The following PRKN variants were observed in gnomAD, a reference collection of about 807,000 sequenced individuals.
The protein encoded by PRKN is E3 ubiquitin-protein ligase parkin.
A neutral mutation model predicts 59.5 loss-of-function variants in PRKN; 56 were observed. That is an observed-to-expected ratio of 0.94 (90% CI 0.76 to 1.18). PRKN has a LOEUF of 1.18. Ranked by LOEUF, PRKN falls within the 50% of genes most tolerant of loss-of-function variation. PRKN has a pLI of 0.00. For synonymous variants in PRKN, 250 were observed against 222.1 expected, an observed-to-expected ratio of 1.13 and a Z score of -1.12; for missense variants, 657 against 596.4, an observed-to-expected ratio of 1.10 and a Z score of -1.06.
intron 9 of PRKN, among the ~76,000 whole-genome samples, chr6:161,424,022 T>C (rs35164999): frequency 0.044 from 6,682 of 152,128 alleles, 466 homozygotes; most frequent in African/African-American, 0.15. Flanking sequence ...TGAAGATAAA[T>C]TGAGGCATAT....
At chr6:162,424,202 C>A (rs1319684019) in intron 2 of PRKN, among the ~76,000 whole-genome samples, 1 of 152,114 alleles carries the variant, frequency 6.6e-6, no homozygotes, top group African/African-American at 2.4e-5. Flanking sequence ...GGAAAAGGCA[C>A]AGCTATAAAA....
chr6:161,863,025 G>A (rs745362286), intron 6 of PRKN, among the ~76,000 whole-genome samples: 2 of 152,082 alleles, frequency 1.3e-5, no homozygotes, highest in Non-Finnish European at 2.9e-5. Flanking sequence ...AGATCAAGAA[G>A]AATCAAGCTG....
intron 1 of PRKN, among the ~76,000 whole-genome samples, chr6:162,707,782 C>T (rs1203405751): frequency 2.0e-5 from 3 of 152,136 alleles, no homozygotes; most frequent in Admixed American, 6.5e-5. Context: ...ACCATGTTGG[C>T]CAAGCTGGTC....
chr6:161,913,799 G>A (rs1778454794), intron 6 of PRKN, among the ~76,000 whole-genome samples: 1 of 152,202 alleles, frequency 6.6e-6, no homozygotes, highest in Non-Finnish European at 1.5e-5. Context: ...TGTAGGTGGA[G>A]CGTCTGGGAG....
At chr6:162,249,704 T>C (rs1562613442) in intron 3 of PRKN, among the ~76,000 whole-genome samples, 1 of 152,166 alleles carries the variant, frequency 6.6e-6, no homozygotes, top group Non-Finnish European at 1.5e-5. Flanking sequence ...GGTCAAATTA[T>C]ATGGCTATAG....
chr6:161,867,900 A>G (rs1178719329), intron 6 of PRKN, among the ~76,000 whole-genome samples: 4 of 151,872 alleles, frequency 2.6e-5, no homozygotes, highest in African/African-American at 7.2e-5. Context: ...AGCTGGGATT[A>G]CAGGCATGCA....
rs1780501501 is a variant in PRKN at position 161,562,687 on chromosome 6, G to T, written c.933+6668C>A. 1.3e-5 allele frequency among the ~76,000 whole-genome samples: 2 copies of T among 152,044 alleles called. No homozygotes were observed. The highest frequency in any genetic ancestry group is 2.4e-5 in the African/African-American group (1 of 41,406). On this transcript the variant is annotated intron_variant, in intron 8 of 11. Coordinates refer to ENST00000366898, the MANE Select transcript of PRKN (RefSeq NM_004562.3). This position sits in a 1 kb window ranked among gnomAD's most constrained non-coding sequence, Gnocchi z 4.3. ...CCTCTGATCTCACCTGCCCCATTTTGCTCATCTCAGTCAAATAGAACTTTC... is the reference window on the plus strand; with the variant it reads ...CCTCTGATCTCACCTGCCCCATTTTTCTCATCTCAGTCAAATAGAACTTTC...
In PRKN at chr6:162,225,069, C is replaced by G. The variant is rs532466515; in HGVS notation, c.413-23817G>C. On this transcript the variant is annotated intron_variant, in intron 3 of 11. Transcript: ENST00000366898. ...TCACAGTTCTTGAGGCTGGGAAGTC[C>G]AAGATTGGGCAGCCCTGTCTGGGCT... is the stretch of plus-strand genomic sequence containing the variant. 9.9e-5 allele frequency among the ~76,000 whole-genome samples: 15 copies of G among 152,162 alleles called. No homozygotes were observed. The South Asian group carries it at 3.1e-3, about 32-fold the overall frequency.
intron 7 of PRKN, among the ~76,000 whole-genome samples, chr6:161,662,010 G>A (rs76498940): frequency 0.23 from 34,673 of 151,914 alleles, 4,021 homozygotes; most frequent in African/African-American, 0.25. Context: ...GCAACAGAGC[G>A]AGACTCTGTC....
chr6:162,499,601 A>T (rs1020902272), intron 1 of PRKN, among the ~76,000 whole-genome samples: 5 of 152,204 alleles, frequency 3.3e-5, no homozygotes, highest in African/African-American at 1.2e-4. Context: ...GGAGACCCGG[A>T]CACTGTCTTC....
At position 161,446,288 on chromosome 6, in the gene PRKN, G is replaced by C. The variant is rs552616889; in HGVS notation, c.1084-59411C>G. Among the ~76,000 whole-genome samples, 298 of 152,320 alleles carry C rather than the reference G, an allele frequency of 2.0e-3. 1 individual carries two copies. Among genetic ancestry groups the C allele is most frequent in the Admixed American group, 4.6e-3 (70 of 15,308 alleles). On this transcript the variant is annotated intron_variant, in intron 9 of 11. Coordinates refer to ENST00000366898, the MANE Select transcript of PRKN (RefSeq NM_004562.3). This position sits in a 1 kb window ranked among gnomAD's most constrained non-coding sequence, Gnocchi z 6.2. ...CTTTGGGAAGGGAGGCTTGGAGGCT[G>C]CCTGGGGCTGAGCAGGGAGCACCAT... is the stretch of plus-strand genomic sequence containing the variant.
At chr6:162,273,772 C>T (rs763526733) in intron 2 of PRKN, among the ~76,000 whole-genome samples, 7 of 152,004 alleles carry the variant, frequency 4.6e-5, no homozygotes, top group Non-Finnish European at 8.8e-5. Context: ...ATAATGAGAC[C>T]CATGTATATC....
intron 2 of PRKN, among the ~76,000 whole-genome samples, chr6:162,323,369 C>CA (rs1313638031): frequency 6.6e-6 from 1 of 151,340 alleles, no homozygotes; most frequent in Non-Finnish European, 1.5e-5. Flanking sequence ...GATAATAATA[C>CA]AAAAATCTAT....
intron 2 of PRKN, among the ~76,000 whole-genome samples, chr6:162,304,821 T>TACC (rs149625731): frequency 7.1e-6 from 1 of 141,538 alleles, no homozygotes; most frequent in African/African-American, 2.6e-5. Flanking sequence ...CAGCTGCTGC[T>TACC]GCCAGATGTG....
chr6:161,661,446 G>C (rs1261478347), intron 7 of PRKN, among the ~76,000 whole-genome samples: 1 of 151,938 alleles, frequency 6.6e-6, no homozygotes, highest in African/African-American at 2.4e-5. Context: ...AGTTCCTTTG[G>C]ATCTATCTTC....
At chr6:161,957,354 C>G (rs939969198) in intron 6 of PRKN, among the ~76,000 whole-genome samples, 5 of 151,620 alleles carry the variant, frequency 3.3e-5, no homozygotes, top group African/African-American at 1.2e-4. Flanking sequence ...ATATGGCAAG[C>G]AATCAACTGC....
chr6:162,517,178 G>T (rs1248456423), intron 1 of PRKN, among the ~76,000 whole-genome samples: 2 of 149,008 alleles, frequency 1.3e-5, no homozygotes, highest in South Asian at 2.2e-4. Flanking sequence ...TGATGTCCAA[G>T]CTGCATCCCA....
Position 161,428,266 on chromosome 6 carries a change from C to T in PRKN, c.1084-41389G>A, listed in dbSNP as rs1161727268. ...AATCCAATCCTTTATCAAAAGACTC[C>T]AGCATTTTTCCTTCCATTGACTGCT... On this transcript the variant is annotated intron_variant, in intron 9 of 11. Transcript: ENST00000366898. The surrounding 1 kb of genome is among the most constrained non-coding windows in gnomAD (Gnocchi z 4.0). Among the ~76,000 whole-genome samples, 1 of 152,176 alleles carries T rather than the reference C, an allele frequency of 6.6e-6. No individual in the cohort carries two copies. Among genetic ancestry groups the T allele is most frequent in the Non-Finnish European group, 1.5e-5 (1 of 68,036 alleles).
In PRKN at chr6:162,447,614, A is replaced by G. The variant is rs551563329; in HGVS notation, c.8-4141T>C. Among the ~76,000 whole-genome samples the G allele has an allele frequency of 2.6e-5, 4 of 152,282 alleles. 1 individual carries two copies. In the East Asian group the frequency reaches 5.8e-4, roughly 22 times the overall value. ...AGAGTAAGGAAGTGAATGGGTGGGAAGAGGGGAAAGGGTTATTGGTGGATG... is the reference window on the plus strand; with the variant it reads ...AGAGTAAGGAAGTGAATGGGTGGGAGGAGGGGAAAGGGTTATTGGTGGATG... On this transcript the variant is annotated intron_variant, in intron 1 of 11. Transcript: ENST00000366898.
Sources: gnomAD v4.1 joint callset for allele counts (sites outside exome capture counted in the v4.1 genomes callset) on GRCh38, gnomAD v4.1.1 for gene constraint, Gnocchi (gnomAD v3.1) non-coding constraint, MANE v1.5 for transcripts, NCBI Gene and HGNC (gene_info 2026-07-23, HGNC 2026-07-21) for gene names.